The following SLC10A7 variants were observed in gnomAD, a reference collection of about 807,000 sequenced individuals.
The protein encoded by SLC10A7 is sodium/bile acid cotransporter 7.
SLC10A7 carries 29 observed loss-of-function variants against 43.2 expected under a neutral mutation model. The observed-to-expected ratio is 0.67, with a 90% CI of 0.50 to 0.92. The LOEUF (loss-of-function observed/expected upper bound fraction) is 0.92. SLC10A7 is among the 40% of genes least tolerant of loss of function. The probability of loss-of-function intolerance (pLI) is 0.00; values close to 1 mark genes in which losing one functional copy is unlikely to be tolerated. For synonymous variants in SLC10A7, 152 were observed against 144.8 expected, an observed-to-expected ratio of 1.05 and a Z score of -0.35; for missense variants, 295 against 403.2, an observed-to-expected ratio of 0.73 and a Z score of 2.30.
intron 4 of SLC10A7, among the ~76,000 whole-genome samples, chr4:146,463,724 G>C (rs1483330191): frequency 6.6e-6 from 1 of 151,774 alleles, no homozygotes; most frequent in Non-Finnish European, 1.5e-5. Flanking sequence ...CTGGGTGACA[G>C]AGCAAGACCC....
chr4:146,433,296 G>A (rs1729933838), intron 5 of SLC10A7, among the ~76,000 whole-genome samples: 1 of 150,726 alleles, frequency 6.6e-6, no homozygotes, highest in South Asian at 2.1e-4. Flanking sequence ...CGAGTAGCTG[G>A]GATTACAGGC....
chr4:146,381,157 C>A (rs1422794824), intron 5 of SLC10A7, among the ~76,000 whole-genome samples: 1 of 152,104 alleles, frequency 6.6e-6, no homozygotes, highest in Non-Finnish European at 1.5e-5. Flanking sequence ...AAATGAGGGG[C>A]CCTAAAGCTT....
At chr4:146,425,987 A>G (rs1257947600) in intron 5 of SLC10A7, among the ~76,000 whole-genome samples, 1 of 152,244 alleles carries the variant, frequency 6.6e-6, no homozygotes, top group Non-Finnish European at 1.5e-5. Context: ...TGAAGAGAGA[A>G]TGCATCAAGC....
chr4:146,356,048 A>AT (rs201758292), intron 5 of SLC10A7, among the ~76,000 whole-genome samples: 1,646 of 125,550 alleles, frequency 0.013, 19 homozygotes, highest in East Asian at 0.037. Context: ...ATAAAAAAAA[A>AT]AAAATATATA....
intron 3 of SLC10A7, among the ~76,000 whole-genome samples, chr4:146,506,369 G>C (rs1736895555): frequency 6.6e-6 from 1 of 152,134 alleles, no homozygotes; most frequent in South Asian, 2.1e-4. Flanking sequence ...TGCCTTCAAG[G>C]AGGCAGAAGA....
intron 10 of SLC10A7, 83 bp from the exon 11 acceptor site, chr4:146,258,920 T>A: frequency 7.0e-7 from 1 of 1,422,568 alleles, no homozygotes; most frequent in Non-Finnish European, 9.6e-7. Flanking sequence ...AATCAGAACT[T>A]TGGAATAGGT....
At chr4:146,334,518 G>C (rs775331939) in intron 5 of SLC10A7, among the ~76,000 whole-genome samples, 9 of 152,106 alleles carry the variant, frequency 5.9e-5, no homozygotes, top group Non-Finnish European at 1.3e-4. Flanking sequence ...AAGAATGAAA[G>C]TGTGGTAAAT....
chr4:146,395,943 T>C (rs140497411), intron 5 of SLC10A7, among the ~76,000 whole-genome samples: 2,083 of 152,338 alleles, frequency 0.014, 26 homozygotes, highest in Non-Finnish European at 0.023. Context: ...TAAGCCAAGT[T>C]AGCCTTTGAA....
intron 3 of SLC10A7, among the ~76,000 whole-genome samples, chr4:146,505,493 C>T (rs1234800498): frequency 6.6e-6 from 1 of 152,132 alleles, no homozygotes; most frequent in East Asian, 1.9e-4. Flanking sequence ...TTTTCAACGG[C>T]ATGGGGGTTG....
At chr4:146,511,124 C>T (rs1182935980) in intron 2 of SLC10A7, among the ~76,000 whole-genome samples, 3 of 152,066 alleles carry the variant, frequency 2.0e-5, no homozygotes, top group Admixed American at 6.5e-5. Flanking sequence ...GCTAGCAAAC[C>T]CATGCCTGCT....
chr4:146,447,455 A>G (rs1014605586), intron 4 of SLC10A7, among the ~76,000 whole-genome samples: 1 of 152,136 alleles, frequency 6.6e-6, no homozygotes, highest in African/African-American at 2.4e-5. Flanking sequence ...CCTTTGTTAG[A>G]AAATATTTCA....
At chr4:146,485,377 G>A (rs9995820) in intron 4 of SLC10A7, among the ~76,000 whole-genome samples, 120,864 of 152,086 alleles carry the variant, frequency 0.79, 48,420 homozygotes, top group East Asian at 0.95. Context: ...GAGAGTCCTA[G>A]AGGGGCATGA....
At chr4:146,307,563 G>C (rs72729813) in intron 6 of SLC10A7, among the ~76,000 whole-genome samples, 7,166 of 152,100 alleles carry the variant, frequency 0.047, 201 homozygotes, top group Middle Eastern at 0.085. Context: ...GATATTCCTG[G>C]GGCAAGGACT....
At chr4:146,294,212 T>G in intron 7 of SLC10A7, 117 bp from the exon 8 acceptor site, 1 of 739,230 alleles carries the variant, frequency 1.4e-6, no homozygotes, top group Non-Finnish European at 2.0e-6. Context: ...ATTTGGCTGA[T>G]GGCCACAGTG....
rs530159444 is a variant in SLC10A7, at chr4:146,256,755, C to T, written c.994-235G>A. On this transcript the variant is annotated intron_variant, in intron 11 of 11. Transcript: ENST00000335472. ...TGGCCTGGCTACTCGTATGGTTCCC[C>T]TGTGCACTAGATGGTAGCCTTGGGT... is the stretch of plus-strand genomic sequence containing the variant. 61 of 1,242,714 alleles carry T rather than the reference C, an allele frequency of 4.9e-5. No homozygotes were observed. The Middle Eastern group carries it at 5.6e-4, about 11-fold the overall frequency. The allele number at this position is 1,242,714 out of a possible 1,614,324, so 77.0% of individuals were successfully genotyped here. A position where few individuals can be genotyped will look rare whatever the true frequency, so the allele number is the denominator to read the frequency against.
At chr4:146,357,932 C>T (rs1025885147) in intron 5 of SLC10A7, among the ~76,000 whole-genome samples, 12 of 148,812 alleles carry the variant, frequency 8.1e-5, no homozygotes, top group African/African-American at 3.1e-4. Context: ...GTCATCCTGA[C>T]AGAACTCCCA....
intron 10 of SLC10A7, among the ~76,000 whole-genome samples, chr4:146,280,609 T>C (rs1729489278): frequency 6.6e-6 from 1 of 152,224 alleles, no homozygotes; most frequent in Admixed American, 6.6e-5. Flanking sequence ...GCCTATCCTC[T>C]GTACCAGAGA....
chr4:146,455,142 C>T (rs1194614562), intron 4 of SLC10A7, among the ~76,000 whole-genome samples: 1 of 151,614 alleles, frequency 6.6e-6, no homozygotes, highest in Non-Finnish European at 1.5e-5. Flanking sequence ...TAAGCAAACA[C>T]AAAAATAAAT....
chr4:146,298,474 A>G lies in SLC10A7; in HGVS notation c.556-4379T>C, dbSNP rs182554577. Among the ~76,000 whole-genome samples, 620 of 152,320 alleles carry G rather than the reference A, an allele frequency of 4.1e-3. 3 individuals are homozygous for G. The highest frequency in any genetic ancestry group is 0.014 in the African/African-American group (587 of 41,564). On this transcript the variant is annotated intron_variant, in intron 7 of 11. Coordinates refer to ENST00000335472, the MANE Select transcript of SLC10A7 (RefSeq NM_001029998.6). Reference sequence around the variant, plus strand: ...CCATCTCAAACTGAAACAAATCACTAATGGAAAGACCAGAGAATGCATGAA... The same window carrying G: ...CCATCTCAAACTGAAACAAATCACTGATGGAAAGACCAGAGAATGCATGAA...
Sources: allele counts gnomAD v4.1 joint callset (sites outside exome capture counted in the v4.1 genomes callset), GRCh38; gene constraint gnomAD v4.1.1; transcripts MANE v1.5; gene names NCBI Gene and HGNC (gene_info 2026-07-23, HGNC 2026-07-21).